SPIDR: variants seen among roughly 807,000 people sequenced by gnomAD.
The protein encoded by SPIDR is scaffold protein involved in DNA repair.
In SPIDR, 93 loss-of-function variants were observed where a neutral mutation model predicts 104.6. That is an observed-to-expected ratio of 0.89 (90% CI 0.75 to 1.06). SPIDR has a LOEUF of 1.06. Among genes scored for constraint, SPIDR ranks in the 50% least tolerant of loss-of-function variants. The pLI is 0.00. For synonymous variants in SPIDR, 431 were observed against 416.9 expected, an observed-to-expected ratio of 1.03 and a Z score of -0.41; for missense variants, 1,154 against 1,111.2, an observed-to-expected ratio of 1.04 and a Z score of -0.55.
intron 10 of SPIDR, among the ~76,000 whole-genome samples, chr8:47,661,677 G>A (rs996612910): frequency 3.9e-5 from 6 of 152,244 alleles, no homozygotes; most frequent in Admixed American, 6.5e-5. Context: ...CACAGTGAGC[G>A]TCTGCTCCTC....
At chr8:47,613,709 C>T (rs534616045) in intron 10 of SPIDR, among the ~76,000 whole-genome samples, 97 of 152,260 alleles carry the variant, frequency 6.4e-4, no homozygotes, top group African/African-American at 2.3e-3. Context: ...CTCACTGTGG[C>T]TTTTATTCAC....
intron 8 of SPIDR, among the ~76,000 whole-genome samples, chr8:47,503,191 T>G (rs2080840184): frequency 6.6e-6 from 1 of 152,154 alleles, no homozygotes; most frequent in Non-Finnish European, 1.5e-5. Flanking sequence ...CTGAATATCC[T>G]TGTTAACTTT....
intron 8 of SPIDR, among the ~76,000 whole-genome samples, chr8:47,531,555 G>T (rs1385023358): frequency 6.6e-6 from 1 of 152,134 alleles, no homozygotes; most frequent in Non-Finnish European, 1.5e-5. Context: ...ACTGGGGTTT[G>T]TGTTTTCAGA....
chr8:47,486,524 G>A (rs2077648377), intron 8 of SPIDR, among the ~76,000 whole-genome samples: 1 of 152,148 alleles, frequency 6.6e-6, no homozygotes, highest in Non-Finnish European at 1.5e-5. Context: ...TCCTCGAGAA[G>A]AGCAACTCCA....
chr8:47,554,912 A>C (rs1449330025), intron 8 of SPIDR, among the ~76,000 whole-genome samples: 1 of 152,178 alleles, frequency 6.6e-6, no homozygotes, highest in African/African-American at 2.4e-5. Flanking sequence ...TACATATTGC[A>C]CAGTTAAATT....
chr8:47,578,555 G>A (rs961469696), intron 8 of SPIDR, among the ~76,000 whole-genome samples: 4 of 152,136 alleles, frequency 2.6e-5, no homozygotes, highest in African/African-American at 7.2e-5. Flanking sequence ...CAGCCATAGC[G>A]CTATGCTACT....
At chr8:47,692,361 C>T (rs938318652) in intron 11 of SPIDR, among the ~76,000 whole-genome samples, 1 of 152,022 alleles carries the variant, frequency 6.6e-6, no homozygotes, top group Non-Finnish European at 1.5e-5. Flanking sequence ...TGCTTTCCGT[C>T]TCTGTGGATT....
intron 1 of SPIDR, chr8:47,279,484 T>C (rs1554556806): frequency 3.4e-4 from 59 of 171,030 alleles, no homozygotes; most frequent in Non-Finnish European, 6.1e-4. Context: ...CTCAGTTCTA[T>C]CAGACACTGT....
At chr8:47,591,426 CTATTTATTTATT>C (rs151285704) in intron 8 of SPIDR, among the ~76,000 whole-genome samples, 69 of 149,620 alleles carry the variant, frequency 4.6e-4, no homozygotes, top group South Asian at 8.4e-4. Context: ...CTTTCCCTCC[CTATTTATTTATT>C]TATTTATTTA....
intron 9 of SPIDR, among the ~76,000 whole-genome samples, chr8:47,596,694 ACT>A (rs1490249521): frequency 6.6e-6 from 1 of 152,192 alleles, no homozygotes; most frequent in Non-Finnish European, 1.5e-5. Flanking sequence ...ACCTTAATTT[ACT>A]GTAACTTTCT....
intron 10 of SPIDR, chr8:47,654,065 G>A: frequency 7.8e-7 from 1 of 1,289,710 alleles, no homozygotes; most frequent in Non-Finnish European, 1.0e-6. Flanking sequence ...CGTGGTAGCA[G>A]CATCTTGATC....
At chr8:47,479,188 G>A (rs1230069038) in intron 8 of SPIDR, among the ~76,000 whole-genome samples, 1 of 151,966 alleles carries the variant, frequency 6.6e-6, no homozygotes, top group African/African-American at 2.4e-5. Flanking sequence ...GTAAAACCCT[G>A]TCTCTACTAA....
intron 8 of SPIDR, among the ~76,000 whole-genome samples, chr8:47,572,944 C>T (rs1321988740): frequency 6.6e-6 from 1 of 152,112 alleles, no homozygotes; most frequent in Non-Finnish European, 1.5e-5. Context: ...ATAAGATACC[C>T]TGCAGACAAG....
At chr8:47,356,756 A>G (rs879957963) in intron 5 of SPIDR, among the ~76,000 whole-genome samples, 11 of 152,168 alleles carry the variant, frequency 7.2e-5, no homozygotes, top group Admixed American at 5.9e-4. Flanking sequence ...GGTGGTTTGC[A>G]TCTGTTACCT....
intron 8 of SPIDR, among the ~76,000 whole-genome samples, chr8:47,493,321 C>T (rs2079021613): frequency 6.6e-6 from 1 of 151,962 alleles, no homozygotes. Context: ...AACCTGCTAC[C>T]AATAAGAAAC....
intron 8 of SPIDR, among the ~76,000 whole-genome samples, chr8:47,453,192 A>G (rs1273107021): frequency 1.3e-5 from 2 of 152,230 alleles, no homozygotes; most frequent in Non-Finnish European, 2.9e-5. Context: ...ACTACAAACC[A>G]CTGCTCAATG....
chr8:47,388,454 ATGAAGT>A (rs2060201962), intron 5 of SPIDR: 1 of 154,198 alleles, frequency 6.5e-6, no homozygotes, highest in Admixed American at 6.5e-5. Flanking sequence ...GTAACTTAAG[ATGAAGT>A]TGAAGGATGA....
At chr8:47,560,299 T>G (rs2056897622) in intron 8 of SPIDR, among the ~76,000 whole-genome samples, 1 of 152,188 alleles carries the variant, frequency 6.6e-6, no homozygotes, top group African/African-American at 2.4e-5. Flanking sequence ...AAGGGAAGAC[T>G]TCTCCTCTCC....
chr8:47,271,853 T>G (rs1298770389), intron 1 of SPIDR, among the ~76,000 whole-genome samples: 1 of 152,144 alleles, frequency 6.6e-6, no homozygotes, highest in East Asian at 1.9e-4. Context: ...AATGACATGA[T>G]CTCAGCTCAC....
Sources: gnomAD v4.1 joint callset for allele counts (sites outside exome capture counted in the v4.1 genomes callset) on GRCh38, gnomAD v4.1.1 for gene constraint, MANE v1.5 for transcripts, NCBI Gene and HGNC (gene_info 2026-07-23, HGNC 2026-07-21) for gene names.